The following UBE2V1 variants were observed in gnomAD, a reference collection of about 807,000 sequenced individuals.
UBE2V1 encodes the protein ubiquitin conjugating enzyme E2 V1.
In UBE2V1, 15 loss-of-function variants were observed where a neutral mutation model predicts 19.6. The observed-to-expected ratio is 0.77, with a 90% CI of 0.51 to 1.18. The LOEUF (loss-of-function observed/expected upper bound fraction) is 1.18, where lower values mean the gene tolerates loss of function less well. Ranked by LOEUF, UBE2V1 falls within the 50% of genes most tolerant of loss-of-function variation. The probability of loss-of-function intolerance (pLI) is 0.00; values close to 1 mark genes in which losing one functional copy is unlikely to be tolerated. For missense variants in UBE2V1, 125 were observed against 184.8 expected (o/e 0.68, Z 1.88); for synonymous variants, 60 against 60.7 (o/e 0.99, Z 0.05).
intron 1 of UBE2V1, among the ~76,000 whole-genome samples, chr20:50,110,444 G>C (rs532430505): frequency 6.6e-6 from 1 of 152,170 alleles, no homozygotes; most frequent in Non-Finnish European, 1.5e-5. Flanking sequence ...CCTGGCAACC[G>C]GAGGCACAGA....
chr20:50,106,892 A>G (rs1296121075), intron 1 of UBE2V1, among the ~76,000 whole-genome samples: 1 of 152,042 alleles, frequency 6.6e-6, no homozygotes, highest in Non-Finnish European at 1.5e-5. Context: ...AAAAAACAAA[A>G]AAAAGGTAGA....
At chr20:50,115,430 C>A, upstream of UBE2V1, 2 of 1,449,260 alleles carry the variant, frequency 1.4e-6, no homozygotes, top group African/African-American at 1.4e-5. Context: ...GACTTGGGGT[C>A]ACTGTAAAGC....
At chr20:50,097,586 GGA>G (rs1193550393) in intron 1 of UBE2V1, among the ~76,000 whole-genome samples, 1 of 152,178 alleles carries the variant, frequency 6.6e-6, no homozygotes. Flanking sequence ...GGCTATGGGA[GGA>G]GAGAGAGATG....
In UBE2V1 at chr20:50,100,443, G is replaced by A. The variant is rs148579561; in HGVS notation, c.23-3623C>T. 2.3e-3 allele frequency among the ~76,000 whole-genome samples: 356 copies of A among 152,124 alleles called. 2 individuals carry two copies. Among genetic ancestry groups the A allele is most frequent in the African/African-American group, 8.2e-3 (340 of 41,488 alleles). ...TCTACTAAAAATACAAAATTAGCCG[G>A]GCGTGGTGGTGTGCACCTGTAGTCC... is the stretch of plus-strand genomic sequence containing the variant. On this transcript the variant is annotated intron_variant, in intron 1 of 3. Transcript: ENST00000371674.
At position 50,096,774 on chromosome 20, in the gene UBE2V1, T is replaced by A; in HGVS notation, c.69A>T (p.Glu23Asp). The change falls in exon 2 of 4, where the codon GAA becomes GAT. Residue 23 changes from glutamate to aspartate, a missense_variant. This residue lies in a region of UBE2V1 where 19 missense variants were observed against 53.5 expected (regional missense o/e 0.35). Transcript: ENST00000371674. ...RNFRLLEELE[E>D]GQKGVGDGTV... ...TGCCATCTCCTACTCCTTTCTGGCCTTCTTCGAGTTCTTCCAACAGTCGGA... is the reference window on the plus strand; with the variant it reads ...TGCCATCTCCTACTCCTTTCTGGCCATCTTCGAGTTCTTCCAACAGTCGGA... The A allele has an allele frequency of 6.2e-7, 1 of 1,614,140 alleles. No homozygotes were observed. Among genetic ancestry groups the A allele is most frequent in the South Asian group, 1.1e-5 (1 of 91,086 alleles).
chr20:50,099,083 G>A (rs1424020570), intron 1 of UBE2V1: 3 of 606,262 alleles, frequency 4.9e-6, no homozygotes, highest in Non-Finnish European at 6.2e-6. Context: ...TAGGCTAGCG[G>A]GGGAAAAGTC....
chr20:50,102,245 G>C (rs2080046830), intron 1 of UBE2V1, among the ~76,000 whole-genome samples: 1 of 152,060 alleles, frequency 6.6e-6, no homozygotes, highest in Admixed American at 6.6e-5. Context: ...TGACTGTGGT[G>C]GTAGTTCAAA....
At chr20:50,087,150 T>G (rs1473617715) in intron 2 of UBE2V1, among the ~76,000 whole-genome samples, 1 of 151,790 alleles carries the variant, frequency 6.6e-6, no homozygotes, top group East Asian at 1.9e-4. Flanking sequence ...AATCTCGGCA[T>G]CTGGGGGGGC....
At chr20:50,096,332 G>T in intron 2 of UBE2V1, 1 of 315,800 alleles carries the variant, frequency 3.2e-6, no homozygotes, top group Non-Finnish European at 5.8e-6. Flanking sequence ...TTGGAGACTG[G>T]CTTCAGGAAT....
In UBE2V1 at chr20:50,082,777, G is replaced by C; in HGVS notation, c.435C>G (p.Tyr145Ter). The C allele has an allele frequency of 6.2e-7, 1 of 1,612,126 alleles. No homozygotes were observed. The highest frequency in any genetic ancestry group is 8.5e-7 in the Non-Finnish European group (1 of 1,179,822). Reference protein sequence around the residue: ...KLPQPPEGQCYSN With the variant: ...KLPQPPEGQC ...TGGTTTTTCTTTTTGATTAATTGCT[G>C]TAACACTGTCCTTCGGGCGGCTGAG... Residue 145 changes from tyrosine (Y) to a stop codon, truncating the protein, a stop_gained, in exon 4 of 4, where the codon TAC (tyrosine) becomes TAG (stop). Coordinates refer to ENST00000371674, the MANE Select transcript of UBE2V1 (RefSeq NM_001032288.3). LOFTEE classifies it high-confidence loss of function.
intron 1 of UBE2V1, chr20:50,104,374 C>A: frequency 1.0e-6 from 1 of 984,526 alleles, no homozygotes; most frequent in Non-Finnish European, 1.2e-6. Context: ...ATTAACATAC[C>A]TGGCTGGGCG....
upstream of UBE2V1, among the ~76,000 whole-genome samples, chr20:50,114,331 C>T (rs2080944900): frequency 6.6e-6 from 1 of 152,178 alleles, no homozygotes; most frequent in African/African-American, 2.4e-5. Flanking sequence ...GCAGTGCCTA[C>T]TCTGCATCTC....
At chr20:50,105,016 C>T (rs1251115075) in intron 1 of UBE2V1, among the ~76,000 whole-genome samples, 1 of 152,138 alleles carries the variant, frequency 6.6e-6, no homozygotes, top group Non-Finnish European at 1.5e-5. Flanking sequence ...CATGAGCCAC[C>T]ACACCCAGCC....
rs2079464131 is a variant in UBE2V1 at position 50,094,226 on chromosome 20, T to C, written c.171+2446A>G. On this transcript the variant is annotated intron_variant, in intron 2 of 3. Transcript: ENST00000371674. The stretch of plus-strand genomic sequence containing the variant: ...TATATATAATATATAACATATGCAT[T>C]ATATAATATATAATGCATTATATAA... 5.7e-5 allele frequency among the ~76,000 whole-genome samples: 8 copies of C among 139,630 alleles called. No homozygotes were observed. In the Admixed American group the frequency reaches 6.0e-4, roughly 10 times the overall value. The allele number at this position is 139,630 out of a possible 152,430, so 91.6% of individuals were successfully genotyped here.
intron 1 of UBE2V1, among the ~76,000 whole-genome samples, chr20:50,110,313 T>G (rs961177259): frequency 6.6e-6 from 1 of 152,220 alleles, no homozygotes; most frequent in African/African-American, 2.4e-5. Context: ...AAGACATATG[T>G]AGATATCACA....
chr20:50,113,112 C>G lies in UBE2V1; in HGVS notation c.17G>C (p.Gly6Ala). 7.4e-7 allele frequency: 1 copy of G among 1,354,902 alleles called. No individual in the cohort carries two copies. The highest frequency in any genetic ancestry group is 2.8e-5 in the Admixed American group (1 of 35,686). 83.9% of individuals were successfully genotyped at this position (1,354,902 alleles called of 1,614,324 possible). ...GGCCCGGCGCCCCCGCTCACCCGAG[C>G]CCGTGGTGGCTGCCATCTTGCGTCG... is the stretch of plus-strand genomic sequence containing the variant. MAATT[G>A]SGVKVPRNFR... Residue 6 changes from glycine to alanine, a missense_variant, in exon 1 of 4, where the codon GGC becomes GCC. Transcript: ENST00000371674.
At chr20:50,102,676 G>A (rs2080081272) in intron 1 of UBE2V1, among the ~76,000 whole-genome samples, 1 of 152,138 alleles carries the variant, frequency 6.6e-6, no homozygotes, top group South Asian at 2.1e-4. Flanking sequence ...ACAGGTGTGA[G>A]CCACCGTGCT....
intron 2 of UBE2V1, among the ~76,000 whole-genome samples, chr20:50,090,409 G>A (rs1303877835): frequency 6.6e-6 from 1 of 151,724 alleles, no homozygotes; most frequent in East Asian, 1.9e-4. Flanking sequence ...GGGAGGCGGG[G>A]GCTGCAGTGA....
upstream of UBE2V1, chr20:50,115,422 CT>C: frequency 7.0e-7 from 1 of 1,438,154 alleles, no homozygotes. Flanking sequence ...TTGCCCTGGA[CT>C]TGGGGTCACT....
Sources: allele counts gnomAD v4.1 joint callset (sites outside exome capture counted in the v4.1 genomes callset), GRCh38; gene constraint gnomAD v4.1.1; regional missense constraint gnomAD v4.1.1; transcripts MANE v1.5; gene names NCBI Gene and HGNC (gene_info 2026-07-23, HGNC 2026-07-21).